The following POU6F2 variants were observed in gnomAD, a reference collection of about 807,000 sequenced individuals.
POU6F2 encodes POU domain, class 6, transcription factor 2.
POU6F2 carries 31 observed loss-of-function variants against 71.3 expected under a neutral mutation model. The ratio of observed to expected loss-of-function variants is 0.43; its 90% CI spans 0.33 to 0.59. The LOEUF is 0.59. POU6F2 is among the 20% of genes least tolerant of loss of function. The pLI, the probability that POU6F2 is intolerant of heterozygous loss-of-function variation, is 0.04. For missense variants in POU6F2, 783 were observed against 856.8 expected (o/e 0.91, Z 1.07); for synonymous variants, 347 against 355.7 (o/e 0.98, Z 0.27).
intron 1 of POU6F2, among the ~76,000 whole-genome samples, chr7:39,052,510 A>G (rs964114033): frequency 1.3e-4 from 20 of 152,078 alleles, no homozygotes; most frequent in African/African-American, 4.6e-4. Flanking sequence ...AAACCATCGG[A>G]TCTCATGAGA....
At chr7:39,410,148 G>A (rs983775420) in intron 6 of POU6F2, among the ~76,000 whole-genome samples, 1 of 152,244 alleles carries the variant, frequency 6.6e-6, no homozygotes, top group Non-Finnish European at 1.5e-5. Context: ...AGGAATTTGA[G>A]ACCAGCCTGG....
At chr7:38,988,716 C>T (rs1333783334) in intron 1 of POU6F2, among the ~76,000 whole-genome samples, 1 of 152,046 alleles carries the variant, frequency 6.6e-6, no homozygotes, top group African/African-American at 2.4e-5. Context: ...TCCATTTTAG[C>T]AAGTAGAAAG....
At chr7:39,387,807 T>C (rs1404229574) in intron 5 of POU6F2, among the ~76,000 whole-genome samples, 1 of 152,184 alleles carries the variant, frequency 6.6e-6, no homozygotes, top group Non-Finnish European at 1.5e-5. Context: ...GGACTGAGCC[T>C]CAGGTAAAGT....
rs751968037 is a variant in POU6F2 at position 39,464,634 on chromosome 7, C to T, written c.2111C>T (p.Ala704Val). 1.1e-5 allele frequency: 17 copies of T among 1,608,706 alleles called. No individual in the cohort carries two copies. The Admixed American group carries it at 2.7e-4, about 25-fold the overall frequency. The change falls in exon 10 of 10, where the codon GCC (alanine) becomes GTC (valine). Residue 704 changes from alanine (A) to valine (V), a missense_variant. Around this residue, in one of 2 missense-constraint regions of POU6F2, gnomAD observed 211 missense variants for 283.9 expected, o/e 0.74. Transcript: ENST00000518318. The surrounding 1 kb of genome is among the most constrained non-coding windows in gnomAD (Gnocchi z 4.1). ...AAACGCTTAAAACAGCACGAGCCGGCCACGGCAGTCCCTTTGGAGCCCTTA... is the reference window on the plus strand; with the variant it reads ...AAACGCTTAAAACAGCACGAGCCGGTCACGGCAGTCCCTTTGGAGCCCTTA... ...TIKRLKQHEP[A>V]TAVPLEPLTD...
intron 5 of POU6F2, among the ~76,000 whole-genome samples, chr7:39,392,998 T>G (rs61543464): frequency 0.23 from 34,568 of 152,166 alleles, 4,369 homozygotes; most frequent in East Asian, 0.51. Context: ...CAGCCTTGCT[T>G]TTGCTCTTGG....
intron 2 of POU6F2, among the ~76,000 whole-genome samples, chr7:39,164,096 G>A (rs7805537): frequency 0.27 from 40,825 of 151,778 alleles, 5,855 homozygotes; most frequent in East Asian, 0.62. Flanking sequence ...ATTTTTAAGA[G>A]CTCTTACCAC....
chr7:39,015,997 TAGA>T (rs1484070961), intron 1 of POU6F2, among the ~76,000 whole-genome samples: 5 of 35,546 alleles, frequency 1.4e-4, no homozygotes, highest in African/African-American at 1.8e-4. Context: ...ATATAATATA[TAGA>T]TATATATTAT....
intron 4 of POU6F2, among the ~76,000 whole-genome samples, chr7:39,285,261 C>G (rs541402655): frequency 1.2e-4 from 18 of 152,324 alleles, no homozygotes; most frequent in Non-Finnish European, 1.5e-4. Context: ...ATAGTTCCCA[C>G]TGAAAACTCT....
chr7:38,981,988 T>C (rs933577287), intron 1 of POU6F2, among the ~76,000 whole-genome samples: 27 of 152,218 alleles, frequency 1.8e-4, no homozygotes, highest in African/African-American at 6.0e-4. Context: ...CCAAAAAGTA[T>C]TTAATGTAGA....
chr7:39,409,453 CTT>C (rs774450132), intron 6 of POU6F2, among the ~76,000 whole-genome samples: 13 of 152,206 alleles, frequency 8.5e-5, no homozygotes, highest in Non-Finnish European at 1.2e-4. Flanking sequence ...TTAGTTAAGA[CTT>C]TGAATTCAGA....
chr7:39,295,306 C>T (rs565836093), intron 4 of POU6F2, among the ~76,000 whole-genome samples: 8 of 152,070 alleles, frequency 5.3e-5, no homozygotes, highest in Admixed American at 1.3e-4. Flanking sequence ...AGAATTGTGA[C>T]GTGACAATAA....
chr7:38,984,418 AC>A (rs1203890838), intron 1 of POU6F2: 3 of 152,152 alleles, frequency 2.0e-5, no homozygotes, highest in Non-Finnish European at 4.4e-5. Context: ...GGAAAGAGAG[AC>A]AAGACCTCGA....
chr7:39,322,730 A>G (rs1265534499), intron 4 of POU6F2, among the ~76,000 whole-genome samples: 1 of 152,250 alleles, frequency 6.6e-6, no homozygotes, highest in Non-Finnish European at 1.5e-5. Flanking sequence ...ATATGGCTCC[A>G]GATGCATCCA....
In POU6F2 at chr7:39,179,550, C is replaced by CACGCACACACACACACACAT. The variant is rs1491155442; in HGVS notation, c.278-24685_278-24684insACGCACACACACACACACAT. Among the ~76,000 whole-genome samples, 129 of 152,278 alleles carry CACGCACACACACACACACAT rather than the reference C, an allele frequency of 8.5e-4. 1 individual carries two copies. Among genetic ancestry groups the CACGCACACACACACACACAT allele is most frequent in the Admixed American group, 2.5e-3 (38 of 15,300 alleles). On this transcript the variant is annotated intron_variant, in intron 2 of 9. Transcript: ENST00000518318. ...ACATGCGCGCACACACACACACACA[C>CACGCACACACACACACACAT]GCACACAGTCTACAGAACTGATCTT... is the stretch of plus-strand genomic sequence containing the variant.
At chr7:39,138,556 T>G (rs1197757177) in intron 2 of POU6F2, among the ~76,000 whole-genome samples, 1 of 152,210 alleles carries the variant, frequency 6.6e-6, no homozygotes, top group Non-Finnish European at 1.5e-5. Context: ...GGTTGTGCAC[T>G]TCTTATGAGA....
chr7:39,365,133 C>T (rs999563925), intron 5 of POU6F2, among the ~76,000 whole-genome samples: 1 of 152,114 alleles, frequency 6.6e-6, no homozygotes, highest in African/African-American at 2.4e-5. Context: ...TGATTTCAAA[C>T]TCTACTATAA....
At chr7:39,361,514 AT>A (rs1294562461) in intron 5 of POU6F2, among the ~76,000 whole-genome samples, 1 of 152,210 alleles carries the variant, frequency 6.6e-6, no homozygotes, top group Non-Finnish European at 1.5e-5. Flanking sequence ...ACCTACTAAA[AT>A]GCATTTGGGG....
At position 39,451,557 on chromosome 7, in the gene POU6F2, G is replaced by C; in HGVS notation, c.1345G>C (p.Val449Leu). The change falls in exon 8 of 10, where the codon GTG becomes CTG. Residue 449 changes from valine (V) to leucine (L), a missense_variant. This residue lies in a region of POU6F2 where 572 missense variants were observed against 572.9 expected (regional missense o/e 1.00). Coordinates refer to ENST00000518318, the MANE Select transcript of POU6F2 (RefSeq NM_001370959.1). ...QQLHQPSQTSVGQAASQGNLL... is the reference protein window; with the variant it reads ...QQLHQPSQTSLGQAASQGNLL... ...GCTCCACCAACCCTCCCAGACGTCA[G>C]TGGGTCAAGCAGCCTCCCAAGGCAA... is the stretch of plus-strand genomic sequence containing the variant. 3 of 1,613,648 alleles carry C rather than the reference G, an allele frequency of 1.9e-6. No individual in the cohort carries two copies. The highest frequency in any genetic ancestry group is 2.2e-5 in the East Asian group (1 of 44,866).
chr7:39,055,329 T>G (rs988033972), intron 1 of POU6F2, among the ~76,000 whole-genome samples: 2 of 152,146 alleles, frequency 1.3e-5, no homozygotes, highest in African/African-American at 4.8e-5. Context: ...GTGGGATTTC[T>G]TCTTTCAGGG....
Sources: gnomAD v4.1 joint callset for allele counts (sites outside exome capture counted in the v4.1 genomes callset) on GRCh38, gnomAD v4.1.1 for gene constraint, gnomAD v4.1.1 regional missense constraint, Gnocchi (gnomAD v3.1) non-coding constraint, MANE v1.5 for transcripts, NCBI Gene and HGNC (gene_info 2026-07-23, HGNC 2026-07-21) for gene names.